LRRC4C: variants seen among roughly 807,000 people sequenced by gnomAD.
LRRC4C encodes the protein leucine rich repeat containing 4C.
Under a neutral mutation model 33.6 loss-of-function variants are expected in LRRC4C, and 5 were observed. That is an observed-to-expected ratio of 0.15 (90% CI 0.08 to 0.31). The LOEUF (loss-of-function observed/expected upper bound fraction) is 0.31, where lower values mean the gene tolerates loss of function less well. Among genes scored for constraint, LRRC4C ranks in the 10% least tolerant of loss-of-function variants. The probability of loss-of-function intolerance (pLI) is 1.00; values close to 1 mark genes in which losing one functional copy is unlikely to be tolerated. For missense variants in LRRC4C, 560 were observed against 796.7 expected (o/e 0.70, Z 3.58); for synonymous variants, 329 against 302.0 (o/e 1.09, Z -0.93).
intron 1 of LRRC4C, among the ~76,000 whole-genome samples, chr11:41,400,383 C>T (rs1231660714): frequency 2.6e-5 from 4 of 151,780 alleles, no homozygotes; most frequent in South Asian, 2.1e-4. Flanking sequence ...TCTCCTACCC[C>T]GTGATAAATC....
intron 1 of LRRC4C, among the ~76,000 whole-genome samples, chr11:41,316,816 C>T (rs1189360553): frequency 1.3e-5 from 2 of 152,178 alleles, no homozygotes; most frequent in African/African-American, 4.8e-5. Context: ...CTCTTTTTCC[C>T]CGCATTCATT....
chr11:40,397,969 T>C (rs975837133), intron 3 of LRRC4C, among the ~76,000 whole-genome samples: 2 of 152,104 alleles, frequency 1.3e-5, no homozygotes, highest in Admixed American at 6.6e-5. Context: ...TTGGATACTA[T>C]AATGATGCAA....
At chr11:40,345,038 T>A (rs1343301591) in intron 3 of LRRC4C, among the ~76,000 whole-genome samples, 1 of 152,072 alleles carries the variant, frequency 6.6e-6, no homozygotes, top group Non-Finnish European at 1.5e-5. Flanking sequence ...TACATGCTCA[T>A]AGGAAGAAGA....
Position 40,683,174 on chromosome 11 carries a change from G to A in LRRC4C, c.-406-34896C>T, listed in dbSNP as rs968001637. ...GAAAGCAGCAAAGGCTTGATGCGAA[G>A]GTGGTGGGTTAAAAAATTATGGCAA... On this transcript the variant is annotated intron_variant, in intron 2 of 6. Transcript: ENST00000528697. Among the ~76,000 whole-genome samples the A allele has an allele frequency of 2.6e-5, 4 of 152,272 alleles. No homozygotes were observed. In the South Asian group the frequency reaches 8.3e-4, roughly 32 times the overall value.
chr11:41,349,836 T>G (rs1394665346), intron 1 of LRRC4C, among the ~76,000 whole-genome samples: 1 of 152,230 alleles, frequency 6.6e-6, no homozygotes, highest in Non-Finnish European at 1.5e-5. Context: ...TTAAAAGTAT[T>G]TATTAATTCT....
At chr11:40,802,524 G>C (rs2135296125) in intron 2 of LRRC4C, among the ~76,000 whole-genome samples, 1 of 150,916 alleles carries the variant, frequency 6.6e-6, no homozygotes, top group South Asian at 2.1e-4. Context: ...AAAAAGATAA[G>C]GAAGAGGAGG....
chr11:40,836,041 C>T (rs1166767513), intron 2 of LRRC4C, among the ~76,000 whole-genome samples: 3 of 151,992 alleles, frequency 2.0e-5, no homozygotes, highest in Non-Finnish European at 2.9e-5. Flanking sequence ...AGTCACTGTA[C>T]GTTCAAAAAG....
intron 3 of LRRC4C, among the ~76,000 whole-genome samples, chr11:40,421,747 T>C (rs1221891418): frequency 6.6e-6 from 1 of 152,226 alleles, no homozygotes; most frequent in Non-Finnish European, 1.5e-5. Context: ...TTTCTGTCAC[T>C]GGACCAATTA....
In LRRC4C at chr11:41,312,136, G is replaced by A. The variant is rs185065614; in HGVS notation, c.-496+147295C>T. Among the ~76,000 whole-genome samples the A allele has an allele frequency of 4.8e-3, 736 of 152,264 alleles. 4 individuals carry two copies. The highest frequency in any genetic ancestry group is 0.016 in the African/African-American group (654 of 41,562). ...TGACAAAGTGGATGACCAAAAAGGA[G>A]AAAGAAACCAGGAATTAGCCAGTTT... On this transcript the variant is annotated intron_variant, in intron 1 of 6. Coordinates refer to ENST00000528697, the MANE Select transcript of LRRC4C (RefSeq NM_001258419.2).
chr11:41,419,339 G>A (rs772413017), intron 1 of LRRC4C, among the ~76,000 whole-genome samples: 1 of 151,822 alleles, frequency 6.6e-6, no homozygotes, highest in Non-Finnish European at 1.5e-5. Context: ...TAGGCTAACT[G>A]TCCTTCCTCA....
At chr11:40,918,866 C>T (rs1957065995) in intron 2 of LRRC4C, among the ~76,000 whole-genome samples, 1 of 152,072 alleles carries the variant, frequency 6.6e-6, no homozygotes, top group Admixed American at 6.6e-5. Context: ...AAGTTATATT[C>T]TTTCTGGGTA....
chr11:40,547,466 T>C (rs987593613), intron 3 of LRRC4C, among the ~76,000 whole-genome samples: 3 of 152,108 alleles, frequency 2.0e-5, no homozygotes, highest in Non-Finnish European at 4.4e-5. Flanking sequence ...TGAACGAATA[T>C]ATCAGAGCTG....
At chr11:40,571,920 C>T (rs1272546462) in intron 3 of LRRC4C, among the ~76,000 whole-genome samples, 7 of 152,126 alleles carry the variant, frequency 4.6e-5, no homozygotes, top group South Asian at 2.1e-4. Flanking sequence ...TGTGGTCTTT[C>T]GGTAGGTGAA....
At chr11:40,195,070 G>A (rs61911828) in intron 5 of LRRC4C, among the ~76,000 whole-genome samples, 202 of 151,418 alleles carry the variant, frequency 1.3e-3, no homozygotes, top group Non-Finnish European at 2.4e-3. Context: ...CAGCCTGGGC[G>A]ACAGAGTGAG....
chr11:40,194,068 C>G (rs1194537534), intron 5 of LRRC4C, among the ~76,000 whole-genome samples: 1 of 152,136 alleles, frequency 6.6e-6, no homozygotes, highest in Non-Finnish European at 1.5e-5. Flanking sequence ...CCCTACCTAG[C>G]AAGACAGGCC....
intron 2 of LRRC4C, among the ~76,000 whole-genome samples, chr11:40,668,980 C>G (rs1943950867): frequency 6.6e-6 from 1 of 152,156 alleles, no homozygotes; most frequent in Admixed American, 6.5e-5. Context: ...ATGTTCTAAC[C>G]TCTATAGCCC....
chr11:41,175,789 T>A (rs1945171075), intron 1 of LRRC4C, among the ~76,000 whole-genome samples: 1 of 152,152 alleles, frequency 6.6e-6, no homozygotes, highest in Admixed American at 6.5e-5. Flanking sequence ...TTCCTGACAC[T>A]CTTTAACTTT....
At chr11:40,575,493 C>T (rs1275054233) in intron 3 of LRRC4C, among the ~76,000 whole-genome samples, 4 of 152,054 alleles carry the variant, frequency 2.6e-5, no homozygotes, top group Admixed American at 2.0e-4. Flanking sequence ...ATGTCTATCA[C>T]CCTACTTTTA....
At chr11:40,365,959 A>G (rs1048555413) in intron 3 of LRRC4C, among the ~76,000 whole-genome samples, 1 of 152,102 alleles carries the variant, frequency 6.6e-6, no homozygotes, top group African/African-American at 2.4e-5. Context: ...CAGTTCAACA[A>G]ATATTTATTG....
Sources: gnomAD v4.1 joint callset for allele counts (sites outside exome capture counted in the v4.1 genomes callset) on GRCh38, gnomAD v4.1.1 for gene constraint, MANE v1.5 for transcripts, NCBI Gene and HGNC (gene_info 2026-07-23, HGNC 2026-07-21) for gene names.